HIPK2: variants seen among roughly 807,000 people sequenced by gnomAD.
The protein encoded by HIPK2 is homeodomain-interacting protein kinase 2.
A neutral mutation model predicts 113.7 loss-of-function variants in HIPK2; 27 were observed. That is an observed-to-expected ratio of 0.24 (90% CI 0.17 to 0.33). The LOEUF is 0.33. Ranked by LOEUF, HIPK2 falls within the 10% of genes least tolerant of loss-of-function variation. The pLI is 1.00. For synonymous variants in HIPK2, 631 were observed against 642.2 expected (o/e 0.98, Z 0.26); for missense variants, 1,257 against 1,588.0 (o/e 0.79, Z 3.54).
At chr7:139,612,526 C>T (rs904435671) in intron 9 of HIPK2, among the ~76,000 whole-genome samples, 30 of 152,182 alleles carry the variant, frequency 2.0e-4, no homozygotes, top group African/African-American at 7.2e-4. Flanking sequence ...GAGACAAATA[C>T]TGTGGCATTG....
rs930547648 is a variant in HIPK2 at position 139,716,594 on chromosome 7, G to A, written c.441C>T (p.Ile147=). 5.2e-5 allele frequency: 84 copies of A among 1,613,868 alleles called. No individual in the cohort carries two copies. Among genetic ancestry groups the A allele is most frequent in the Admixed American group, 6.7e-5 (4 of 59,996 alleles). Residue 147 remains isoleucine (I), a synonymous_variant, in exon 2 of 15, where the codon ATC becomes ATT. Coordinates refer to ENST00000406875, the MANE Select transcript of HIPK2 (RefSeq NM_022740.5). The surrounding 1 kb of genome is among the most constrained non-coding windows in gnomAD (Gnocchi z 9.3). The part of the protein sequence containing the change: ...EIENTSSVQI[I]EEHPPMIQNN... The stretch of plus-strand genomic sequence containing the variant: ...TCTGAATCATGGGTGGATGCTCCTC[G>A]ATGATCTGCACGCTGCTTGTGTTCT...
chr7:139,637,923 G>A (rs1321018909), intron 2 of HIPK2, among the ~76,000 whole-genome samples: 4 of 152,086 alleles, frequency 2.6e-5, no homozygotes, highest in Admixed American at 2.0e-4. Flanking sequence ...ACCACAGCAG[G>A]GCAGACAGCA....
chr7:139,755,065 C>T (rs937013189), intron 1 of HIPK2, among the ~76,000 whole-genome samples: 1 of 152,200 alleles, frequency 6.6e-6, no homozygotes, highest in Non-Finnish European at 1.5e-5. Context: ...GATGCACATC[C>T]TGGTCAGTTT....
intron 2 of HIPK2, among the ~76,000 whole-genome samples, chr7:139,710,562 T>G (rs988977639): frequency 7.2e-5 from 11 of 152,228 alleles, no homozygotes; most frequent in Non-Finnish European, 1.3e-4. Flanking sequence ...TTCCATCTCC[T>G]CAAAGAGACT....
chr7:139,611,175 TG>T (rs1428436635), intron 9 of HIPK2, among the ~76,000 whole-genome samples: 2 of 152,220 alleles, frequency 1.3e-5, no homozygotes, highest in African/African-American at 4.8e-5. Context: ...CCCACTCGTG[TG>T]GGTAACAACA....
At chr7:139,744,187 C>T (rs999309012) in intron 1 of HIPK2, among the ~76,000 whole-genome samples, 1 of 152,156 alleles carries the variant, frequency 6.6e-6, no homozygotes, top group African/African-American at 2.4e-5. Context: ...AAGTGATTAA[C>T]AGATAAGCAA....
rs1798206342 is a variant in HIPK2 at position 139,569,822 on chromosome 7, T to C, written c.*3105A>G. The C allele has an allele frequency of 6.6e-6, 1 of 152,060 alleles. No individual in the cohort carries two copies. The highest frequency in any genetic ancestry group is 1.5e-5 in the Non-Finnish European group (1 of 68,016). The allele number at this position is 152,060 out of a possible 1,614,324, so 9.4% of individuals were successfully genotyped here. ...TACTCACAGAGAGAATAAGTTTAAA[T>C]ATTAAAGAGAAAACACAAAGATACT... On this transcript the variant is annotated 3_prime_UTR_variant, in exon 15 of 15. Transcript: ENST00000406875.
intron 1 of HIPK2, among the ~76,000 whole-genome samples, chr7:139,776,615 C>CA (rs59705464): frequency 0.24 from 36,866 of 151,960 alleles, 10,106 homozygotes; most frequent in African/African-American, 0.67. Flanking sequence ...GAAAGAAAGC[C>CA]GGGGGACCCA....
intron 1 of HIPK2, among the ~76,000 whole-genome samples, chr7:139,719,207 C>T (rs1173790532): frequency 2.0e-5 from 3 of 152,004 alleles, no homozygotes; most frequent in African/African-American, 7.3e-5. Flanking sequence ...GGTGCTATCT[C>T]GGCTCACTGC....
intron 13 of HIPK2, 26 bp downstream of exon 13, chr7:139,583,790 TC>T (rs760385729): frequency 6.2e-7 from 1 of 1,600,552 alleles, no homozygotes. Flanking sequence ...AGGGAGAGGT[TC>T]CTGCCCTGTC....
At chr7:139,682,149 A>T (rs1175491485) in intron 2 of HIPK2, among the ~76,000 whole-genome samples, 2 of 152,186 alleles carry the variant, frequency 1.3e-5, no homozygotes, top group Non-Finnish European at 2.9e-5. Context: ...ACTCCTCAGA[A>T]GGAAAACCCC....
At position 139,714,761 on chromosome 7, in the gene HIPK2, C is replaced by T. The variant is rs2052481243; in HGVS notation, c.1103+1171G>A. 2.0e-5 allele frequency among the ~76,000 whole-genome samples: 3 copies of T among 152,302 alleles called. No homozygotes were observed. In the South Asian group the frequency reaches 6.2e-4, roughly 32 times the overall value. ...GTTTTGTTTCTTGTGACCTCTATCT[C>T]CACTGCACTGTTCGGCACCACCCCA... On this transcript the variant is annotated intron_variant, in intron 2 of 14. Transcript: ENST00000406875. The surrounding 1 kb of genome is among the most constrained non-coding windows in gnomAD (Gnocchi z 4.2).
intron 2 of HIPK2, among the ~76,000 whole-genome samples, chr7:139,705,826 T>TAAA (rs1010543995): frequency 9.5e-6 from 1 of 105,346 alleles, no homozygotes. Flanking sequence ...AAAAGATTAG[T>TAAA]AAAAAAAAAA....
chr7:139,614,475 C>T lies in HIPK2; in HGVS notation c.1801G>A (p.Ala601Thr). Reference protein sequence around the residue: ...VHNQAPSSTSATISLANPEVS... With the variant: ...VHNQAPSSTSTTISLANPEVS... ...TCGGGATTGGCTAAGGAAATAGTGG[C>T]ACTGGTAGAGGAGGGAGCCTAAAGG... Residue 601 changes from alanine (A) to threonine (T), a missense_variant, in exon 8 of 15, where the codon GCC becomes ACC. Ala to Thr is a moderately conservative substitution (Grantham distance 58, BLOSUM62 0). Coordinates refer to ENST00000406875, the MANE Select transcript of HIPK2 (RefSeq NM_022740.5). 1 of 1,437,788 alleles carries T rather than the reference C, an allele frequency of 7.0e-7. No homozygotes were observed. Among genetic ancestry groups the T allele is most frequent in the Non-Finnish European group, 9.2e-7 (1 of 1,081,634 alleles). The allele number at this position is 1,437,788 out of a possible 1,614,324, so 89.1% of individuals were successfully genotyped here.
chr7:139,742,190 T>C (rs1457945245), intron 1 of HIPK2, among the ~76,000 whole-genome samples: 1 of 152,208 alleles, frequency 6.6e-6, no homozygotes, highest in Non-Finnish European at 1.5e-5. Flanking sequence ...GTTAGAAAAT[T>C]TGGCTTCAAG....
intron 1 of HIPK2, among the ~76,000 whole-genome samples, chr7:139,731,612 T>G (rs1042252214): frequency 6.6e-5 from 10 of 152,226 alleles, no homozygotes; most frequent in African/African-American, 2.2e-4. Flanking sequence ...GTTTATGTAT[T>G]TCTTTGAGCA....
chr7:139,565,995 A>G lies in HIPK2; in HGVS notation c.*6932T>C, dbSNP rs112711748. ...AAAGAATACTTTTTCACTCTTACTT[A>G]TAAGAGCTGGTTGTAGCAGCACTAC... On this transcript the variant is annotated 3_prime_UTR_variant, in exon 15 of 15. Coordinates refer to ENST00000406875, the MANE Select transcript of HIPK2 (RefSeq NM_022740.5). 6.6e-6 allele frequency: 1 copy of G among 152,230 alleles called. No homozygotes were observed. Among genetic ancestry groups the G allele is most frequent in the Non-Finnish European group, 1.5e-5 (1 of 68,038 alleles). 9.4% of individuals were successfully genotyped at this position (152,230 alleles called of 1,614,324 possible). A position where few individuals can be genotyped will look rare whatever the true frequency, so the allele number is the denominator to read the frequency against.
At chr7:139,745,004 C>A (rs1013107776) in intron 1 of HIPK2, among the ~76,000 whole-genome samples, 1 of 152,218 alleles carries the variant, frequency 6.6e-6, no homozygotes, top group Non-Finnish European at 1.5e-5. Context: ...CTGTACTGAC[C>A]TGTCCAACCA....
intron 1 of HIPK2, among the ~76,000 whole-genome samples, chr7:139,755,280 A>T (rs1796344726): frequency 6.6e-6 from 1 of 152,210 alleles, no homozygotes; most frequent in Non-Finnish European, 1.5e-5. Context: ...CATCAGACCG[A>T]CATACCACAA....
Sources: gnomAD v4.1 joint callset for allele counts (sites outside exome capture counted in the v4.1 genomes callset) on GRCh38, gnomAD v4.1.1 for gene constraint, Gnocchi (gnomAD v3.1) non-coding constraint, MANE v1.5 for transcripts, NCBI Gene and HGNC (gene_info 2026-07-23, HGNC 2026-07-21) for gene names.